The following SPTLC3 variants were observed in gnomAD, a reference collection of about 807,000 sequenced individuals.
The protein encoded by SPTLC3 is serine palmitoyltransferase 3.
Under a neutral mutation model 59.3 loss-of-function variants are expected in SPTLC3, and 36 were observed. That is an observed-to-expected ratio of 0.61 (90% CI 0.47 to 0.80). SPTLC3 has a LOEUF of 0.80. SPTLC3 is among the 30% of genes least tolerant of loss of function. The pLI is 0.00. For synonymous variants in SPTLC3, 257 were observed against 240.8 expected (o/e 1.07, Z -0.62); for missense variants, 625 against 685.1 (o/e 0.91, Z 0.98).
intron 4 of SPTLC3, among the ~76,000 whole-genome samples, chr20:13,088,459 C>T (rs1288993938): frequency 5.3e-5 from 8 of 151,952 alleles, no homozygotes; most frequent in East Asian, 1.9e-4. Context: ...CTCAGCCTCC[C>T]GAGTAGCTGG....
chr20:13,150,136 T>C (rs562042861), intron 9 of SPTLC3, among the ~76,000 whole-genome samples: 14 of 152,302 alleles, frequency 9.2e-5, no homozygotes, highest in Admixed American at 9.1e-4. Context: ...ATAGCCCTCT[T>C]TTCCTTTCCT....
chr20:13,067,164 C>T (rs534884341), intron 2 of SPTLC3, among the ~76,000 whole-genome samples: 1 of 143,428 alleles, frequency 7.0e-6, no homozygotes, highest in South Asian at 2.3e-4. Flanking sequence ...TTTCCAGGGC[C>T]AGTAGATTGT....
At chr20:13,153,900 TG>T (rs1191942667) in intron 9 of SPTLC3, 102 bp from the exon 10 acceptor site, 6 of 1,456,356 alleles carry the variant, frequency 4.1e-6, no homozygotes, top group Non-Finnish European at 5.6e-6. Context: ...CAGCTAGTGC[TG>T]CTGGCCTGCA....
intron 6 of SPTLC3, among the ~76,000 whole-genome samples, chr20:13,095,481 TATAG>T (rs1989378459): frequency 6.6e-6 from 1 of 152,136 alleles, no homozygotes; most frequent in Non-Finnish European, 1.5e-5. Context: ...ATATCTGTCA[TATAG>T]ATAGATAGGT....
chr20:13,070,429 A>G (rs1178898847), intron 2 of SPTLC3, among the ~76,000 whole-genome samples: 2 of 152,182 alleles, frequency 1.3e-5, no homozygotes, highest in African/African-American at 4.8e-5. Context: ...CCTATTCTCC[A>G]TATTATATTC....
intron 2 of SPTLC3, among the ~76,000 whole-genome samples, chr20:13,070,670 C>T (rs138071768): frequency 1.3e-5 from 2 of 152,114 alleles, no homozygotes; most frequent in Non-Finnish European, 2.9e-5. Context: ...GCAAATGCTT[C>T]GGGTCCTCAA....
chr20:13,089,261 C>G (rs2122619903), intron 4 of SPTLC3, among the ~76,000 whole-genome samples: 1 of 152,288 alleles, frequency 6.6e-6, no homozygotes, highest in South Asian at 2.1e-4. Flanking sequence ...GCAACAGCTC[C>G]TACGTTCTGT....
intron 1 of SPTLC3, among the ~76,000 whole-genome samples, chr20:13,017,626 AT>A (rs368858530): frequency 6.6e-6 from 1 of 151,978 alleles, no homozygotes; most frequent in African/African-American, 2.4e-5. Context: ...CTTTTTTGTG[AT>A]TTTTTTTAGC....
chr20:13,090,942 A>T, intron 4 of SPTLC3, 141 bp from the exon 5 acceptor site: 1 of 1,146,528 alleles, frequency 8.7e-7, no homozygotes, highest in Non-Finnish European at 1.2e-6. Context: ...GGCTGTTTCT[A>T]GATTAGGGCA....
chr20:13,105,713 T>C (rs965843362), intron 6 of SPTLC3, among the ~76,000 whole-genome samples: 1 of 152,228 alleles, frequency 6.6e-6, no homozygotes, highest in African/African-American at 2.4e-5. Context: ...CGGAGCCACA[T>C]TTACCATCTA....
At chr20:13,046,955 G>A (rs1343845984) in intron 1 of SPTLC3, among the ~76,000 whole-genome samples, 4 of 152,122 alleles carry the variant, frequency 2.6e-5, no homozygotes, top group South Asian at 2.1e-4. Flanking sequence ...ATGAAGTAGT[G>A]TTTGGGATGA....
intron 9 of SPTLC3, among the ~76,000 whole-genome samples, chr20:13,135,041 T>C (rs2038211839): frequency 6.6e-6 from 1 of 152,210 alleles, no homozygotes; most frequent in South Asian, 2.1e-4. Flanking sequence ...TTTTGAAGTA[T>C]GTAAAGTCAT....
intron 1 of SPTLC3, among the ~76,000 whole-genome samples, chr20:13,042,098 T>C (rs1335494154): frequency 6.6e-6 from 1 of 152,176 alleles, no homozygotes; most frequent in Non-Finnish European, 1.5e-5. Context: ...GCCTTTGAGG[T>C]TTATTCTGAT....
chr20:13,093,522 G>T lies in SPTLC3; in HGVS notation c.771G>T (p.Ser257=). The T allele has an allele frequency of 1.2e-6, 2 of 1,613,432 alleles. No homozygotes were observed. Among genetic ancestry groups the T allele is most frequent in the Non-Finnish European group, 1.7e-6 (2 of 1,179,520 alleles). Residue 257 remains serine (S), a synonymous_variant, in exon 6 of 12, where the codon TCG becomes TCT. Coordinates refer to ENST00000399002, the MANE Select transcript of SPTLC3 (RefSeq NM_018327.4). ...LILSDELNHT[S]LVLGARLSGA... ...TAAGTGATGAGTTAAACCACACATC[G>T]CTTGTGCTTGGGGCCCGACTCTCAG...
At chr20:13,145,295 G>A (rs956069680) in intron 9 of SPTLC3, among the ~76,000 whole-genome samples, 1 of 151,974 alleles carries the variant, frequency 6.6e-6, no homozygotes, top group African/African-American at 2.4e-5. Context: ...CAAAGTTGCA[G>A]GAAACAAAAT....
intron 9 of SPTLC3, among the ~76,000 whole-genome samples, chr20:13,145,860 A>C (rs1211825861): frequency 6.6e-6 from 1 of 152,196 alleles, no homozygotes; most frequent in Admixed American, 6.5e-5. Context: ...TCTGATCTTC[A>C]ACAAACTTGA....
chr20:13,049,129 A>G lies in SPTLC3; in HGVS notation c.302A>G (p.Lys101Arg), dbSNP rs1301776535. The G allele has an allele frequency of 6.2e-7, 1 of 1,613,170 alleles. No individual in the cohort carries two copies. Among genetic ancestry groups the G allele is most frequent in the Admixed American group, 1.7e-5 (1 of 59,928 alleles). ...CNAAVERKEQ[K>R]DFVPLYQDFE... ...GCAGCTGTGGAAAGAAAAGAACAAAAAGTACGTATGCGCACCTCCCTGGAT... is the reference window on the plus strand; with the variant it reads ...GCAGCTGTGGAAAGAAAAGAACAAAGAGTACGTATGCGCACCTCCCTGGAT... The change falls in exon 2 of 12, where the codon AAA becomes AGA. Residue 101 changes from lysine to arginine, a missense_variant and splice_region_variant. Lys to Arg is a conservative substitution (Grantham distance 26). Transcript: ENST00000399002.
chr20:13,128,348 G>A (rs1425044564), intron 9 of SPTLC3, among the ~76,000 whole-genome samples: 1 of 152,156 alleles, frequency 6.6e-6, no homozygotes, highest in Non-Finnish European at 1.5e-5. Context: ...AATAAACCCT[G>A]TAGATCTCAG....
chr20:13,109,186 T>C (rs994334539), intron 6 of SPTLC3, among the ~76,000 whole-genome samples: 3 of 152,208 alleles, frequency 2.0e-5, no homozygotes, highest in Admixed American at 1.3e-4. Context: ...TGATAGCAGA[T>C]AAATGAATTG....
Sources: gnomAD v4.1 joint callset for allele counts (sites outside exome capture counted in the v4.1 genomes callset) on GRCh38, gnomAD v4.1.1 for gene constraint, MANE v1.5 for transcripts, NCBI Gene and HGNC (gene_info 2026-07-23, HGNC 2026-07-21) for gene names.